The following PTPRD variants were observed in gnomAD, a reference collection of about 807,000 sequenced individuals.
PTPRD encodes the protein protein tyrosine phosphatase receptor type D.
PTPRD carries 34 observed loss-of-function variants against 214.5 expected under a neutral mutation model. The observed-to-expected ratio is 0.16, with a 90% CI of 0.12 to 0.21. PTPRD has a LOEUF of 0.21. Among genes scored for constraint, PTPRD ranks in the 10% least tolerant of loss-of-function variants. The probability of loss-of-function intolerance (pLI) is 1.00; values close to 1 mark genes in which losing one functional copy is unlikely to be tolerated. For missense variants in PTPRD, 2,545 were observed against 2,398.7 expected (o/e 1.06, Z -1.27); for synonymous variants, 1,128 against 845.7 (o/e 1.33, Z -5.79).
chr9:9,854,144 C>T (rs945569528), intron 5 of PTPRD, among the ~76,000 whole-genome samples: 3 of 152,078 alleles, frequency 2.0e-5, no homozygotes, highest in Non-Finnish European at 4.4e-5. Context: ...CTCATAAAAT[C>T]CTCTATTACT....
chr9:8,386,885 T>G (rs1040923210), intron 37 of PTPRD, among the ~76,000 whole-genome samples: 7 of 152,074 alleles, frequency 4.6e-5, no homozygotes, highest in African/African-American at 1.7e-4. Context: ...GCAGATGAAA[T>G]AATATGAGGC....
intron 7 of PTPRD, among the ~76,000 whole-genome samples, chr9:9,679,093 C>A (rs2097002809): frequency 6.7e-6 from 1 of 148,194 alleles, no homozygotes; most frequent in African/African-American, 2.5e-5. Flanking sequence ...GAGAGAGATA[C>A]CCTTTGGTAA....
chr9:10,126,822 G>A (rs547146963), intron 3 of PTPRD, among the ~76,000 whole-genome samples: 1 of 151,980 alleles, frequency 6.6e-6, no homozygotes, highest in Non-Finnish European at 1.5e-5. Context: ...CAAGCTTGAC[G>A]AAACTGTACA....
In PTPRD at chr9:8,826,240, C is replaced by G. The variant is rs76068708; in HGVS notation, c.-103-92294G>C. Among the ~76,000 whole-genome samples the G allele has an allele frequency of 4.9e-3, 745 of 152,162 alleles. 4 individuals carry two copies. The highest frequency in any genetic ancestry group is 0.017 in the African/African-American group (716 of 41,524). ...CTACCTATAATAGCTTCCTAAATGG[C>G]CTTCCTATTTCTACTCTTGTTACCT... On this transcript the variant is annotated intron_variant, in intron 11 of 45. Coordinates refer to ENST00000381196, the MANE Select transcript of PTPRD (RefSeq NM_002839.4).
chr9:9,217,279 G>C (rs930894187), intron 9 of PTPRD, among the ~76,000 whole-genome samples: 7 of 152,096 alleles, frequency 4.6e-5, no homozygotes, highest in Non-Finnish European at 1.5e-5. Context: ...TCTTGTATAA[G>C]AATTAAATGA....
chr9:10,445,559 A>C (rs1353038660), intron 2 of PTPRD, among the ~76,000 whole-genome samples: 1 of 152,144 alleles, frequency 6.6e-6, no homozygotes, highest in Non-Finnish European at 1.5e-5. Flanking sequence ...CTTAGTAACC[A>C]GTTACAAATT....
chr9:10,184,035 A>G (rs1394692109), intron 3 of PTPRD, among the ~76,000 whole-genome samples: 1 of 152,214 alleles, frequency 6.6e-6, no homozygotes, highest in Non-Finnish European at 1.5e-5. Context: ...TTAGATCTAA[A>G]GGTATTTTTC....
intron 5 of PTPRD, among the ~76,000 whole-genome samples, chr9:9,797,243 GTT>G (rs56375104): frequency 9.2e-4 from 90 of 98,056 alleles, no homozygotes; most frequent in African/African-American, 2.8e-3. Context: ...ATTTCAGGCA[GTT>G]TTTTTTTTTT....
intron 11 of PTPRD, among the ~76,000 whole-genome samples, chr9:9,000,750 G>T (rs2099414806): frequency 6.6e-6 from 1 of 151,906 alleles, no homozygotes; most frequent in African/African-American, 2.4e-5. Flanking sequence ...ACCTCGCCAA[G>T]CAGAAATATC....
chr9:10,399,348 A>C (rs977676599), intron 2 of PTPRD, among the ~76,000 whole-genome samples: 9 of 151,946 alleles, frequency 5.9e-5, no homozygotes, highest in African/African-American at 2.2e-4. Context: ...TAGACGCTCT[A>C]ATTCACAGGA....
Position 8,712,506 on chromosome 9 carries a change from A to T in PTPRD, c.64+21274T>A, listed in dbSNP as rs1279698381. Among the ~76,000 whole-genome samples, 3 of 151,728 alleles carry T rather than the reference A, an allele frequency of 2.0e-5. No homozygotes were observed. The East Asian group carries it at 5.8e-4, about 29-fold the overall frequency. On this transcript the variant is annotated intron_variant, in intron 12 of 45. Transcript: ENST00000381196. ...AGGATGAGCATGTAAAGGCTTCTTC[A>T]AAGTGTGAAAGTGGACAGATACTGC...
chr9:10,185,737 A>T (rs1246760589), intron 3 of PTPRD, among the ~76,000 whole-genome samples: 3 of 151,790 alleles, frequency 2.0e-5, no homozygotes, highest in Non-Finnish European at 4.4e-5. Context: ...CTGTAGAACC[A>T]GCGGTTTTTT....
At chr9:8,834,360 G>T (rs996829326) in intron 11 of PTPRD, among the ~76,000 whole-genome samples, 1 of 152,044 alleles carries the variant, frequency 6.6e-6, no homozygotes, top group African/African-American at 2.4e-5. Context: ...TCACATGATA[G>T]TGTTTCTTTT....
At chr9:8,686,337 T>G (rs1001798440) in intron 12 of PTPRD, among the ~76,000 whole-genome samples, 1 of 152,180 alleles carries the variant, frequency 6.6e-6, no homozygotes, top group African/African-American at 2.4e-5. Context: ...TCTGAGTTCA[T>G]GTACAACATA....
At chr9:9,185,116 A>G (rs1200094862) in intron 9 of PTPRD, among the ~76,000 whole-genome samples, 5 of 152,040 alleles carry the variant, frequency 3.3e-5, no homozygotes, top group African/African-American at 9.7e-5. Context: ...AGTCGTGGTG[A>G]TTTGGAATGT....
chr9:10,607,917 G>A (rs1442802917), intron 2 of PTPRD, among the ~76,000 whole-genome samples: 2 of 151,860 alleles, frequency 1.3e-5, no homozygotes, highest in Non-Finnish European at 2.9e-5. Context: ...AGTTAGAGGT[G>A]TAAAAATTAT....
chr9:9,336,056 A>G (rs1391877396), intron 9 of PTPRD, among the ~76,000 whole-genome samples: 1 of 152,154 alleles, frequency 6.6e-6, no homozygotes, highest in Non-Finnish European at 1.5e-5. Flanking sequence ...AGAATATTAC[A>G]TATATTTCCA....
At chr9:10,334,523 C>T (rs1002195766) in intron 3 of PTPRD, among the ~76,000 whole-genome samples, 1 of 151,314 alleles carries the variant, frequency 6.6e-6, no homozygotes, top group African/African-American at 2.4e-5. Context: ...ACAATATTCC[C>T]TCTCAATATT....
intron 5 of PTPRD, among the ~76,000 whole-genome samples, chr9:9,873,111 T>C (rs1363060070): frequency 6.6e-6 from 1 of 152,156 alleles, no homozygotes; most frequent in South Asian, 2.1e-4. Flanking sequence ...AGTCAGCACA[T>C]TTCACTGAAT....
Sources: gnomAD v4.1 joint callset for allele counts (sites outside exome capture counted in the v4.1 genomes callset) on GRCh38, gnomAD v4.1.1 for gene constraint, MANE v1.5 for transcripts, NCBI Gene and HGNC (gene_info 2026-07-23, HGNC 2026-07-21) for gene names.